Variants in UBE2R2 observed in about 807,000 individuals in gnomAD.
UBE2R2 encodes ubiquitin conjugating enzyme E2 R2, also known as ubiquitin-conjugating enzyme E2 R2.
UBE2R2 carries 1 observed loss-of-function variant against 27.8 expected under a neutral mutation model. That is an observed-to-expected ratio of 0.04 (90% CI 0.01 to 0.17). UBE2R2 has a LOEUF of 0.17. Among genes scored for constraint, UBE2R2 ranks in the 10% least tolerant of loss-of-function variants. The pLI, the probability that UBE2R2 is intolerant of heterozygous loss-of-function variation, is 1.00. For missense variants in UBE2R2, 100 were observed against 291.0 expected (o/e 0.34, Z 4.78); for synonymous variants, 106 against 113.3 (o/e 0.94, Z 0.41).
chr9:33,877,417 C>T (rs868740379), intron 1 of UBE2R2, among the ~76,000 whole-genome samples: 2 of 151,748 alleles, frequency 1.3e-5, no homozygotes, highest in South Asian at 2.1e-4. Flanking sequence ...CTCCTGACCT[C>T]GTGATCCGCC....
At chr9:33,902,627 A>C (rs1297561648) in intron 3 of UBE2R2, among the ~76,000 whole-genome samples, 1 of 152,230 alleles carries the variant, frequency 6.6e-6, no homozygotes, top group African/African-American at 2.4e-5. Flanking sequence ...CAAGTAGTAC[A>C]TAATTTATCT....
chr9:33,855,835 TG>T, intron 1 of UBE2R2, among the ~76,000 whole-genome samples: 1 of 152,314 alleles, frequency 6.6e-6, no homozygotes, highest in East Asian at 1.9e-4. Context: ...CCCAGCACTT[TG>T]GGAGGCCAAG....
intron 4 of UBE2R2, among the ~76,000 whole-genome samples, chr9:33,912,313 A>G (rs777143884): frequency 9.9e-5 from 15 of 151,954 alleles, no homozygotes; most frequent in Admixed American, 3.3e-4. Context: ...AGCAGACCTG[A>G]TTTTCTAGGA....
rs541944055 is a variant in UBE2R2, at chr9:33,912,993, C to T, written c.497+895C>T. 1.1e-4 allele frequency among the ~76,000 whole-genome samples: 16 copies of T among 152,056 alleles called. No individual in the cohort carries two copies. In the South Asian group the frequency reaches 3.3e-3, roughly 32 times the overall value. On this transcript the variant is annotated intron_variant, in intron 4 of 4. Transcript: ENST00000263228. ...TTTTTCTTTTTGAGATGGAGTCTTA[C>T]TCTGTCATCCAGGCCGGAGTGCAGT... is the stretch of plus-strand genomic sequence containing the variant.
chr9:33,897,883 C>G (rs1238935801), intron 2 of UBE2R2, among the ~76,000 whole-genome samples: 3 of 147,672 alleles, frequency 2.0e-5, no homozygotes, highest in Non-Finnish European at 4.4e-5. Flanking sequence ...TCAAGTGATT[C>G]TCCTGCCTCA....
chr9:33,886,422 C>T lies in UBE2R2; in HGVS notation c.178-459C>T, dbSNP rs542421363. Reference sequence around the variant, plus strand: ...CTGTAATCCCAGCACTTTGGGAGGCCGAGGCAGGTGGATCACAAGGTCAAG... The same window carrying T: ...CTGTAATCCCAGCACTTTGGGAGGCTGAGGCAGGTGGATCACAAGGTCAAG... On this transcript the variant is annotated intron_variant, in intron 1 of 4. Transcript: ENST00000263228. Among the ~76,000 whole-genome samples the T allele has an allele frequency of 4.6e-5, 7 of 151,926 alleles. No individual in the cohort carries two copies. The East Asian group carries it at 5.8e-4, about 13-fold the overall frequency.
chr9:33,878,549 TG>T (rs1348009291), intron 1 of UBE2R2, among the ~76,000 whole-genome samples: 7 of 152,056 alleles, frequency 4.6e-5, no homozygotes, highest in African/African-American at 1.7e-4. Context: ...ATCTCGGAGA[TG>T]GAGGTTGCTA....
At chr9:33,825,708 CAGTG>C (rs1024269005) in intron 1 of UBE2R2, among the ~76,000 whole-genome samples, 1 of 152,126 alleles carries the variant, frequency 6.6e-6, no homozygotes, top group African/African-American at 2.4e-5. Flanking sequence ...GGAAAAATAA[CAGTG>C]AGGAAAAGGT....
intron 1 of UBE2R2, among the ~76,000 whole-genome samples, chr9:33,886,653 TAA>T (rs11404304): frequency 2.3e-4 from 27 of 118,686 alleles, no homozygotes; most frequent in Non-Finnish European, 2.4e-4. Flanking sequence ...GACTCCGTCT[TAA>T]AAAAAAAAAA....
In UBE2R2 at chr9:33,869,064, T is replaced by G. The variant is rs551348402; in HGVS notation, c.178-17817T>G. On this transcript the variant is annotated intron_variant, in intron 1 of 4. Transcript: ENST00000263228. ...GGGTGGATTGCTTGAGCTTGGGAGC[T>G]CAAGACCAGCCTGGGCAATATGGCA... Among the ~76,000 whole-genome samples the G allele has an allele frequency of 9.0e-4, 137 of 152,190 alleles. 1 individual carries two copies. The highest frequency in any genetic ancestry group is 3.7e-4 in the Non-Finnish European group (25 of 68,022).
intron 1 of UBE2R2, among the ~76,000 whole-genome samples, chr9:33,864,457 A>G (rs1298913918): frequency 1.3e-5 from 2 of 152,234 alleles, no homozygotes; most frequent in South Asian, 2.1e-4. Flanking sequence ...GTTATTAACA[A>G]TTGAATCAAC....
At chr9:33,832,780 T>C (rs1231947414) in intron 1 of UBE2R2, among the ~76,000 whole-genome samples, 2 of 152,130 alleles carry the variant, frequency 1.3e-5, no homozygotes, top group African/African-American at 4.8e-5. Flanking sequence ...AATTCTATTA[T>C]AGTTTTAAGT....
At chr9:33,903,507 G>A (rs1587480487) in intron 3 of UBE2R2, among the ~76,000 whole-genome samples, 1 of 152,268 alleles carries the variant, frequency 6.6e-6, no homozygotes, top group Non-Finnish European at 1.5e-5. Context: ...TGCTTGGCTG[G>A]ATAATGTATT....
intron 1 of UBE2R2, among the ~76,000 whole-genome samples, chr9:33,822,861 A>G (rs1250359156): frequency 6.6e-6 from 1 of 150,510 alleles, no homozygotes; most frequent in Non-Finnish European, 1.5e-5. Flanking sequence ...TGGCAATGTC[A>G]TTTAGATATT....
At chr9:33,854,096 G>A (rs948785472) in intron 1 of UBE2R2, among the ~76,000 whole-genome samples, 3 of 151,940 alleles carry the variant, frequency 2.0e-5, no homozygotes, top group African/African-American at 7.3e-5. Context: ...TTTTTAACAC[G>A]AGTCACTTAG....
intron 1 of UBE2R2, among the ~76,000 whole-genome samples, chr9:33,822,591 AT>A (rs1433737077): frequency 8.3e-6 from 1 of 120,698 alleles, no homozygotes. Context: ...ACTCGTTTTA[AT>A]TTAAAAAAAA....
At chr9:33,836,038 C>T (rs1159258370) in intron 1 of UBE2R2, among the ~76,000 whole-genome samples, 3 of 152,318 alleles carry the variant, frequency 2.0e-5, no homozygotes, top group South Asian at 2.1e-4. Flanking sequence ...CACAGTGGCT[C>T]ACGCCTGTTA....
Position 33,917,601 on chromosome 9 carries a change from G to A in UBE2R2, c.*364G>A, listed in dbSNP as rs529892435. 2.5e-4 allele frequency: 102 copies of A among 411,030 alleles called. 2 individuals are homozygous for A. In the South Asian group the frequency reaches 6.5e-3, roughly 26 times the overall value. The allele number at this position is 411,030 out of a possible 1,614,324, so 25.5% of individuals were successfully genotyped here. A position where few individuals can be genotyped will look rare whatever the true frequency, so the allele number is the denominator to read the frequency against. ...CTTGAAGAATTCAATAGTCTTTCAAGATGTTTAATGTGTTTAAAGCTGGGA... is the reference window on the plus strand; with the variant it reads ...CTTGAAGAATTCAATAGTCTTTCAAAATGTTTAATGTGTTTAAAGCTGGGA... On this transcript the variant is annotated 3_prime_UTR_variant, in exon 5 of 5. Transcript: ENST00000263228.
At chr9:33,863,047 G>A (rs867648334) in intron 1 of UBE2R2, among the ~76,000 whole-genome samples, 12 of 151,978 alleles carry the variant, frequency 7.9e-5, no homozygotes, top group African/African-American at 2.7e-4. Context: ...AATTAGCCAG[G>A]CATGGTGGCA....
Sources: gnomAD v4.1 joint callset for allele counts (sites outside exome capture counted in the v4.1 genomes callset) on GRCh38, gnomAD v4.1.1 for gene constraint, MANE v1.5 for transcripts, NCBI Gene and HGNC (gene_info 2026-07-23, HGNC 2026-07-21) for gene names.